The following EPG5 variants were observed in gnomAD, a reference collection of about 807,000 sequenced individuals.
The protein encoded by EPG5 is ectopic P granules protein 5 homolog.
In EPG5, 159 loss-of-function variants were observed where a neutral mutation model predicts 302.7. The observed-to-expected ratio is 0.53, with a 90% CI of 0.46 to 0.60. The LOEUF is 0.60. EPG5 is among the 20% of genes least tolerant of loss of function. The probability of loss-of-function intolerance (pLI) is 0.00; values close to 1 mark genes in which losing one functional copy is unlikely to be tolerated. For synonymous variants in EPG5, 1,158 were observed against 1,136.8 expected (o/e 1.02, Z -0.37); for missense variants, 2,896 against 3,092.4 (o/e 0.94, Z 1.51).
chr18:45,965,327 A>T (rs2051225174), intron 1 of EPG5, among the ~76,000 whole-genome samples: 1 of 152,176 alleles, frequency 6.6e-6, no homozygotes, highest in South Asian at 2.1e-4. Flanking sequence ...AGGGAAGGAT[A>T]AAAAAACCAC....
Position 45,931,767 on chromosome 18 carries a change from G to A in EPG5, c.2258-937C>T, listed in dbSNP as rs150650214. Among the ~76,000 whole-genome samples the A allele has an allele frequency of 7.0e-3, 1,069 of 152,104 alleles. 7 individuals carry two copies. Among genetic ancestry groups the A allele is most frequent in the African/African-American group, 0.023 (937 of 41,502 alleles). On this transcript the variant is annotated intron_variant, in intron 11 of 43. Coordinates refer to ENST00000282041, the MANE Select transcript of EPG5 (RefSeq NM_020964.3). ...GGAGAATCACTTGAACCTGGGAGGC[G>A]GAGGTTGCAGTGAGCCAAGATCACA...
At chr18:45,925,462 G>A (rs1387345071) in intron 14 of EPG5, among the ~76,000 whole-genome samples, 6 of 152,090 alleles carry the variant, frequency 3.9e-5, no homozygotes, top group Non-Finnish European at 8.8e-5. Context: ...GACAGGGCAA[G>A]ACTCTGTCTC....
rs1599479322 is a variant in EPG5 at position 45,880,194 on chromosome 18, A to G, written c.5548T>C (p.Cys1850Arg). The G allele has an allele frequency of 1.2e-6, 2 of 1,607,542 alleles. No homozygotes were observed. Among genetic ancestry groups the G allele is most frequent in the Non-Finnish European group, 1.7e-6 (2 of 1,176,008 alleles). Reference sequence around the variant, plus strand: ...AGGGCTCTCAGAGTGGCCTTCCAACACTCGGGGCTCAGAAGCTGCTCCGCG... The same window carrying G: ...AGGGCTCTCAGAGTGGCCTTCCAACGCTCGGGGCTCAGAAGCTGCTCCGCG... ...SSAEQLLSPE[C>R]WKATLRALGC... is the part of the protein sequence containing the mutation. Residue 1850 changes from cysteine (C) to arginine (R), a missense_variant, in exon 32 of 44, where the codon TGT becomes CGT. Coordinates refer to ENST00000282041, the MANE Select transcript of EPG5 (RefSeq NM_020964.3).
intron 14 of EPG5, among the ~76,000 whole-genome samples, chr18:45,925,357 T>C (rs762136429): frequency 2.0e-5 from 3 of 152,004 alleles, no homozygotes; most frequent in Non-Finnish European, 4.4e-5. Flanking sequence ...CCTGTAATCC[T>C]AGCTACTTAG....
At chr18:45,923,676 A>G (rs1481467826) in intron 14 of EPG5, among the ~76,000 whole-genome samples, 2 of 152,190 alleles carry the variant, frequency 1.3e-5, no homozygotes, top group Non-Finnish European at 2.9e-5. Flanking sequence ...ATCTCTACAA[A>G]CACTTCGGGT....
At chr18:45,918,327 C>T (rs2050077874) in intron 16 of EPG5, among the ~76,000 whole-genome samples, 1 of 152,166 alleles carries the variant, frequency 6.6e-6, no homozygotes, top group African/African-American at 2.4e-5. Flanking sequence ...TACTTAAAAG[C>T]TGAGCATCCC....
At chr18:45,827,020 T>C in the EPG5 span, among the ~76,000 whole-genome samples, 1 of 152,198 alleles carries the variant, frequency 6.6e-6, no homozygotes, top group Non-Finnish European at 1.5e-5. Flanking sequence ...GTTCAAGTGA[T>C]TCTTGTGCCT....
In EPG5 at chr18:45,930,072, C is replaced by T. The variant is rs182627633; in HGVS notation, c.2412+604G>A. On this transcript the variant is annotated intron_variant, in intron 12 of 43. Transcript: ENST00000282041. ...ACTCCAATGAACATTTTGGTAACCA[C>T]TTTGGGCTAGTCCCTAGATGCTCAG... Among the ~76,000 whole-genome samples the T allele has an allele frequency of 5.9e-5, 9 of 152,298 alleles. No individual in the cohort carries two copies. In the East Asian group the frequency reaches 1.7e-3, roughly 29 times the overall value.
intron 20 of EPG5, among the ~76,000 whole-genome samples, chr18:45,915,072 A>G (rs9962353): frequency 0.21 from 32,190 of 151,956 alleles, 3,786 homozygotes; most frequent in Admixed American, 0.32. Flanking sequence ...TGAGGTGAGG[A>G]GTTCGAGACC....
At position 45,919,657 on chromosome 18, in the gene EPG5, C is replaced by T. The variant is rs191320069; in HGVS notation, c.3099-1838G>A. On this transcript the variant is annotated intron_variant, in intron 16 of 43. Coordinates refer to ENST00000282041, the MANE Select transcript of EPG5 (RefSeq NM_020964.3). ...CCTCCCGAGTAGCTGGGACTACAGG[C>T]GCCCGCCACCACGCCCGGCTAATTT... 3.3e-5 allele frequency among the ~76,000 whole-genome samples: 5 copies of T among 152,044 alleles called. 1 individual carries two copies. The South Asian group carries it at 6.2e-4, about 19-fold the overall frequency.
At chr18:45,962,378 GAATTT>G (rs1040915416) in intron 1 of EPG5, among the ~76,000 whole-genome samples, 2 of 152,168 alleles carry the variant, frequency 1.3e-5, no homozygotes, top group Non-Finnish European at 2.9e-5. Flanking sequence ...TTGGCATTCA[GAATTT>G]AATATTAACT....
intron 1 of EPG5, among the ~76,000 whole-genome samples, chr18:45,964,345 A>G (rs939182281): frequency 9.2e-5 from 14 of 152,320 alleles, no homozygotes; most frequent in Middle Eastern, 3.4e-3. Context: ...CTTTAACCTG[A>G]GTTCTCTCAC....
intron 28 of EPG5, among the ~76,000 whole-genome samples, chr18:45,888,497 G>A (rs1339228643): frequency 6.6e-6 from 1 of 152,082 alleles, no homozygotes; most frequent in Non-Finnish European, 1.5e-5. Context: ...TAGAGACGGG[G>A]TTTCACCATG....
chr18:45,955,560 A>G (rs1009658865), intron 1 of EPG5, among the ~76,000 whole-genome samples: 7 of 152,216 alleles, frequency 4.6e-5, no homozygotes, highest in African/African-American at 1.4e-4. Context: ...TTGGAGATTC[A>G]CTAGTCTGAT....
chr18:45,826,345 G>A, the EPG5 span, among the ~76,000 whole-genome samples: 1 of 152,090 alleles, frequency 6.6e-6, no homozygotes, highest in African/African-American at 2.4e-5. Context: ...TCGGTGACTT[G>A]GTATCCTGGG....
intron 23 of EPG5, 84 bp from the exon 24 acceptor site, chr18:45,908,165 C>T: frequency 9.0e-7 from 1 of 1,109,192 alleles, no homozygotes; most frequent in Admixed American, 3.0e-5. Flanking sequence ...AACACTGGCA[C>T]CCCTACATAA....
the EPG5 span, among the ~76,000 whole-genome samples, chr18:45,823,878 G>A: frequency 6.6e-6 from 1 of 152,224 alleles, no homozygotes; most frequent in Non-Finnish European, 1.5e-5. Flanking sequence ...CAGCACCTAT[G>A]GGATGCCAAG....
At chr18:45,860,054 T>A (rs2048600238) in intron 40 of EPG5, 50 bp downstream of exon 40, 3 of 1,601,486 alleles carry the variant, frequency 1.9e-6, no homozygotes, top group Admixed American at 3.4e-5. Flanking sequence ...AATGCTTTCA[T>A]CTTTCTGGAA....
chr18:45,860,356 A>G lies in EPG5; in HGVS notation c.6767-10T>C. 1 of 1,614,170 alleles carries G rather than the reference A, an allele frequency of 6.2e-7. No homozygotes were observed. Among genetic ancestry groups the G allele is most frequent in the Non-Finnish European group, 8.5e-7 (1 of 1,179,974 alleles). On this transcript the variant is annotated splice_polypyrimidine_tract_variant and intron_variant, in intron 39 of 43. Transcript: ENST00000282041. ...GTCTGGCTGTCCATGTCTGAAAGGA[A>G]TATAGACACACTCAAGAATGGCTGC...
Sources: gnomAD v4.1 joint callset for allele counts (sites outside exome capture counted in the v4.1 genomes callset) on GRCh38, gnomAD v4.1.1 for gene constraint, MANE v1.5 for transcripts, NCBI Gene and HGNC (gene_info 2026-07-23, HGNC 2026-07-21) for gene names.